MUC5AC: variants seen among roughly 807,000 people sequenced by gnomAD.
The protein encoded by MUC5AC is mucin-5AC.
MUC5AC carries 158 observed loss-of-function variants against 169.7 expected under a neutral mutation model. That is an observed-to-expected ratio of 0.93 (90% CI 0.82 to 1.06). MUC5AC has a LOEUF of 1.06. Among genes scored for constraint, MUC5AC ranks in the 50% least tolerant of loss-of-function variants. MUC5AC has a pLI of 0.00. For synonymous variants in MUC5AC, 1,975 were observed against 1,237.0 expected, an observed-to-expected ratio of 1.60 and a Z score of -12.52; for missense variants, 4,359 against 3,089.9, an observed-to-expected ratio of 1.41 and a Z score of -9.74.
In MUC5AC at chr11:1,199,392, G is replaced by C; in HGVS notation, c.16417G>C (p.Ala5473Pro). 1.4e-6 allele frequency: 1 copy of C among 723,186 alleles called. No homozygotes were observed. Among genetic ancestry groups the C allele is most frequent in the Non-Finnish European group, 2.5e-6 (1 of 396,772 alleles). 44.8% of individuals were successfully genotyped at this position (723,186 alleles called of 1,614,324 possible). A position where few individuals can be genotyped will look rare whatever the true frequency, so the allele number is the denominator to read the frequency against. Residue 5473 changes from alanine (A) to proline (P), a missense_variant, in exon 46 of 49, where the codon GCA (alanine) becomes CCA (proline). Coordinates refer to ENST00000621226, the MANE Select transcript of MUC5AC (RefSeq NM_001304359.2). ...LFYPGETWSDAGNHCVTHQCE... is the reference protein window; with the variant it reads ...LFYPGETWSDPGNHCVTHQCE... ...CCAGCCCGGCGAGACCTGGTCAGAC[G>C]CAGGGAACCACTGTGTGACCCACCA...
At position 1,183,415 on chromosome 11, in the gene MUC5AC, T is replaced by A; in HGVS notation, c.5270T>A (p.Phe1757Tyr). 6.2e-6 allele frequency: 4 copies of A among 642,056 alleles called. No homozygotes were observed. The highest frequency in any genetic ancestry group is 1.1e-5 in the Non-Finnish European group (4 of 363,950). 39.8% of individuals were successfully genotyped at this position (642,056 alleles called of 1,614,324 possible). The change falls in exon 31 of 49, where the codon TTC becomes TAC. Residue 1757 changes from phenylalanine (F) to tyrosine (Y), a missense_variant. By Grantham distance (22) the Phe-to-Tyr change is conservative (BLOSUM62 3). Coordinates refer to ENST00000621226, the MANE Select transcript of MUC5AC (RefSeq NM_001304359.2). ...CTWTKWFDVD[F>Y]PSPGPHGGDK... ...TGGACAAAGTGGTTCGACGTGGACT[T>A]CCCGTCCCCCGGACCCCATGGTGGA...
chr11:1,179,997 C>A (rs918168321), intron 26 of MUC5AC, 25 bp from the exon 27 acceptor site: 2 of 398,638 alleles, frequency 5.0e-6, no homozygotes, highest in Admixed American at 4.4e-5. Flanking sequence ...TGGGACCCCA[C>A]CGAGCCCTTC....
At chr11:1,160,710 C>T in intron 2 of MUC5AC, 21 bp downstream of exon 2, 1 of 1,600,210 alleles carries the variant, frequency 6.2e-7, no homozygotes, top group Non-Finnish European at 8.5e-7. Context: ...GTGTCCGGCC[C>T]CCACCCTAAG....
chr11:1,165,842 A>T, intron 11 of MUC5AC, 82 bp downstream of exon 11: 5 of 1,582,044 alleles, frequency 3.2e-6, no homozygotes, highest in Non-Finnish European at 4.3e-6. Context: ...GCTTGGCTGC[A>T]TGTCACTGCT....
At position 1,196,041 on chromosome 11, in the gene MUC5AC, C is replaced by T. The variant is rs763741877; in HGVS notation, c.15624C>T (p.Thr5208=). The change falls in exon 37 of 49, where the codon ACC becomes ACT. Residue 5208 remains threonine, a synonymous_variant. Transcript: ENST00000621226. ...TCTGCATCGATTGGAGAGGCCGGACCGGCCACATGTGCCGTGAGTGCCACC... is the reference window on the plus strand; with the variant it reads ...TCTGCATCGATTGGAGAGGCCGGACTGGCCACATGTGCCGTGAGTGCCACC... ...HDICIDWRGR[T]GHMCPFTCPA... is the part of the protein sequence containing the mutation. 1.8e-5 allele frequency: 14 copies of T among 764,350 alleles called. No individual in the cohort carries two copies. The highest frequency in any genetic ancestry group is 3.4e-5 in the African/African-American group (2 of 59,126). The allele number at this position is 764,350 out of a possible 1,614,324, so 47.3% of individuals were successfully genotyped here.
In MUC5AC at chr11:1,192,752, C is replaced by G; in HGVS notation, c.14381-31C>G. On this transcript the variant is annotated intron_variant, in intron 31 of 48. Transcript: ENST00000621226. ...TGCTTCTCCTTTGAGCAGGACTCCA[C>G]TAAAGGCTGCCATGTCCCTTCCTCT... 3 of 740,920 alleles carry G rather than the reference C, an allele frequency of 4.0e-6. No homozygotes were observed. The South Asian group carries it at 4.1e-5, about 10-fold the overall frequency. The allele number at this position is 740,920 out of a possible 1,614,324, so 45.9% of individuals were successfully genotyped here. A position where few individuals can be genotyped will look rare whatever the true frequency, so the allele number is the denominator to read the frequency against.
rs1332341581 is a variant in MUC5AC, at chr11:1,180,524, C to T, written c.3776+8C>T. On this transcript the variant is annotated splice_region_variant and intron_variant, in intron 28 of 48. Coordinates refer to ENST00000621226, the MANE Select transcript of MUC5AC (RefSeq NM_001304359.2). ...CAAGAACTGCCAGTCCTGGTGAGTC[C>T]TTTGGGGGGAGGAATATGGAGCCTG... 5.0e-6 allele frequency: 2 copies of T among 398,772 alleles called. No individual in the cohort carries two copies. Among genetic ancestry groups the T allele is most frequent in the East Asian group, 7.1e-5 (2 of 28,084 alleles). The allele number at this position is 398,772 out of a possible 1,614,324, so 24.7% of individuals were successfully genotyped here.
Position 1,180,614 on chromosome 11 carries a change from G to C in MUC5AC, c.3776+98G>C, listed in dbSNP as rs1395123611. The C allele has an allele frequency of 7.5e-6, 3 of 398,280 alleles. No homozygotes were observed. In the East Asian group the frequency reaches 1.1e-4, roughly 14 times the overall value. 24.7% of individuals were successfully genotyped at this position (398,280 alleles called of 1,614,324 possible). On this transcript the variant is annotated intron_variant, in intron 28 of 48. Transcript: ENST00000621226. Reference sequence around the variant, plus strand: ...TGGGGCTGGGAGCGGCAGGGCTGGGGACCTCCCCGTTACTGGAGTTGAAGC... The same window carrying C: ...TGGGGCTGGGAGCGGCAGGGCTGGGCACCTCCCCGTTACTGGAGTTGAAGC...
intron 15 of MUC5AC, 25 bp downstream of exon 15, chr11:1,169,051 T>G: frequency 6.6e-7 from 1 of 1,525,284 alleles, no homozygotes; most frequent in Middle Eastern, 1.8e-4. Context: ...GGCTCGCCTC[T>G]GTGCTGGCCG....
At chr11:1,193,935 A>T (rs1452844797) in intron 33 of MUC5AC, among the ~76,000 whole-genome samples, 175 bp from the exon 34 acceptor site, 3 of 152,168 alleles carry the variant, frequency 2.0e-5, no homozygotes, top group Non-Finnish European at 4.4e-5. Flanking sequence ...CGCCCGCTGG[A>T]TGGAGCTCTG....
At chr11:1,167,098 G>A (rs1860355080) in intron 11 of MUC5AC, among the ~76,000 whole-genome samples, 1 of 100,142 alleles carries the variant, frequency 1.0e-5, no homozygotes, top group Non-Finnish European at 2.1e-5. Context: ...ATGAGACCCT[G>A]CACCCAACAC....
chr11:1,170,957 A>C (rs1860498241), intron 15 of MUC5AC, among the ~76,000 whole-genome samples: 2 of 3,720 alleles, frequency 5.4e-4, no homozygotes, highest in African/African-American at 1.2e-3. Context: ...TCACCTACTC[A>C]CTCACCCACT....
At position 1,186,841 on chromosome 11, in the gene MUC5AC, G is replaced by A. The variant is rs2133759501; in HGVS notation, c.8696G>A (p.Arg2899Lys). 1.4e-6 allele frequency: 1 copy of A among 707,416 alleles called. No homozygotes were observed. The highest frequency in any genetic ancestry group is 1.5e-5 in the South Asian group (1 of 65,214). The allele number at this position is 707,416 out of a possible 1,614,324, so 43.8% of individuals were successfully genotyped here. ...TTSTTSAPTT[R>K]TTSAPTTSTT... ...AGTACAACCTCTGCTCCTACAACCA[G>A]AACAACCTCTGCTCCTACAACCAGC... is the stretch of plus-strand genomic sequence containing the variant. Residue 2899 changes from arginine to lysine, a missense_variant, in exon 31 of 49, where the codon AGA becomes AAA. Transcript: ENST00000621226.
chr11:1,195,939 C>T lies in MUC5AC; in HGVS notation c.15522C>T (p.Asp5174=), dbSNP rs773020449. 1.3e-5 allele frequency: 10 copies of T among 764,658 alleles called. No individual in the cohort carries two copies. Among genetic ancestry groups the T allele is most frequent in the Admixed American group, 5.1e-5 (3 of 58,996 alleles). 47.4% of individuals were successfully genotyped at this position (764,658 alleles called of 1,614,324 possible). A position where few individuals can be genotyped will look rare whatever the true frequency, so the allele number is the denominator to read the frequency against. ...PLLFYEGCVF[D]RCHMTDLDVV... ...TGTTCTATGAGGGCTGCGTCTTTGA[C>T]CGGTGCCACATGACGGACCTGGATG... Residue 5174 remains aspartate, a synonymous_variant, in exon 37 of 49, where the codon GAC becomes GAT. Coordinates refer to ENST00000621226, the MANE Select transcript of MUC5AC (RefSeq NM_001304359.2).
At position 1,162,644 on chromosome 11, in the gene MUC5AC, C is replaced by T. The variant is rs1860179286; in HGVS notation, c.586C>T (p.Leu196=). The change falls in exon 5 of 49, where the codon CTG becomes TTG. Residue 196 remains leucine (L), a splice_region_variant and synonymous_variant. Transcript: ENST00000621226. ...VLMWNHDDSL[L]LELDTKYANK... is the part of the protein sequence containing the mutation. ...CATGTGGAACCACGATGACAGCCTGCTGGTGAGGCTGGGTGGGGGTGTCCC... is the reference window on the plus strand; with the variant it reads ...CATGTGGAACCACGATGACAGCCTGTTGGTGAGGCTGGGTGGGGGTGTCCC... 2.5e-6 allele frequency: 4 copies of T among 1,611,934 alleles called. No individual in the cohort carries two copies. Among genetic ancestry groups the T allele is most frequent in the Non-Finnish European group, 3.4e-6 (4 of 1,179,088 alleles).
At chr11:1,194,413 G>T in intron 34 of MUC5AC, 53 bp downstream of exon 34, 1 of 710,538 alleles carries the variant, frequency 1.4e-6, no homozygotes, top group Non-Finnish European at 2.6e-6. Context: ...GGCTTTCCCG[G>T]CAAGAGCCTG....
Position 1,182,217 on chromosome 11 carries a change from A to T in MUC5AC, c.4072A>T (p.Ser1358Cys). 2.5e-6 allele frequency: 1 copy of T among 398,664 alleles called. No homozygotes were observed. Among genetic ancestry groups the T allele is most frequent in the Non-Finnish European group, 4.4e-6 (1 of 226,096 alleles). 24.7% of individuals were successfully genotyped at this position (398,664 alleles called of 1,614,324 possible). ...PSSAHTGPPS[S>C]AWPTTAGTSP... is the part of the protein sequence containing the mutation. ...CAGCGCGCACACAGGCCCTCCGAGC[A>T]GCGCCTGGCCCACCACAGCAGGCAC... Residue 1358 changes from serine (S) to cysteine (C), a missense_variant, in exon 31 of 49, where the codon AGC becomes TGC. Coordinates refer to ENST00000621226, the MANE Select transcript of MUC5AC (RefSeq NM_001304359.2).
rs749263811 is a variant in MUC5AC, at chr11:1,200,646, C to T, written c.16909C>T (p.Gln5637Ter). ...HSEEAEPEPSQEAESGSWERG... is the reference protein window; with the variant it reads ...HSEEAEPEPS ...GGAGGAGGCGGAACCCGAGCCCAGC[C>T]AGGAGGCAGAGAGTGGGAGCTGGGA... Residue 5637 changes from glutamine (Q) to a stop codon, truncating the protein, a stop_gained, in exon 49 of 49, where the codon CAG becomes TAG. Coordinates refer to ENST00000621226, the MANE Select transcript of MUC5AC (RefSeq NM_001304359.2). LOFTEE classifies it low-confidence loss of function (END_TRUNC). 4 of 763,546 alleles carry T rather than the reference C, an allele frequency of 5.2e-6. No individual in the cohort carries two copies. Among genetic ancestry groups the T allele is most frequent in the South Asian group, 1.3e-5 (1 of 74,508 alleles). 47.3% of individuals were successfully genotyped at this position (763,546 alleles called of 1,614,324 possible).
Position 1,189,979 on chromosome 11 carries a change from A to T in MUC5AC, c.11834A>T (p.His3945Leu). 3 of 765,044 alleles carry T rather than the reference A, an allele frequency of 3.9e-6. No individual in the cohort carries two copies. Among genetic ancestry groups the T allele is most frequent in the Non-Finnish European group, 7.2e-6 (3 of 417,874 alleles). The allele number at this position is 765,044 out of a possible 1,614,324, so 47.4% of individuals were successfully genotyped here. A position where few individuals can be genotyped will look rare whatever the true frequency, so the allele number is the denominator to read the frequency against. The stretch of plus-strand genomic sequence containing the variant: ...CATGTTTCTGTATCCAAGACAACCC[A>T]CTCCCAACCAGTCACCAGAGACTGT... ...TSHVSVSKTT[H>L]SQPVTRDCHP... is the part of the protein sequence containing the mutation. Residue 3945 changes from histidine (H) to leucine (L), a missense_variant, in exon 31 of 49, where the codon CAC becomes CTC. Coordinates refer to ENST00000621226, the MANE Select transcript of MUC5AC (RefSeq NM_001304359.2).
Sources: gnomAD v4.1 joint callset for allele counts (sites outside exome capture counted in the v4.1 genomes callset) on GRCh38, gnomAD v4.1.1 for gene constraint, MANE v1.5 for transcripts, NCBI Gene and HGNC (gene_info 2026-07-23, HGNC 2026-07-21) for gene names.